The following NCAM1 variants were observed in gnomAD, a reference collection of about 807,000 sequenced individuals.
The protein encoded by NCAM1 is antigen recognized by monoclonal antibody 5.1H11.
NCAM1 carries 14 observed loss-of-function variants against 109.8 expected under a neutral mutation model. That is an observed-to-expected ratio of 0.13 (90% CI 0.08 to 0.20). The LOEUF (loss-of-function observed/expected upper bound fraction) is 0.20. Ranked by LOEUF, NCAM1 falls within the 10% of genes least tolerant of loss-of-function variation. The pLI is 1.00. For missense variants in NCAM1, 774 were observed against 1,109.9 expected (o/e 0.70, Z 4.30); for synonymous variants, 418 against 442.9 (o/e 0.94, Z 0.70).
chr11:113,221,092 C>A (rs534956699), intron 8 of NCAM1, among the ~76,000 whole-genome samples: 1 of 152,072 alleles, frequency 6.6e-6, no homozygotes, highest in Admixed American at 6.6e-5. Flanking sequence ...TTTTAATGTG[C>A]CTAAGGGGGA....
intron 8 of NCAM1, among the ~76,000 whole-genome samples, chr11:113,214,727 G>T (rs563453559): frequency 6.6e-6 from 1 of 152,166 alleles, no homozygotes; most frequent in Non-Finnish European, 1.5e-5. Flanking sequence ...ATAGGTTGGT[G>T]GGGGCGTGAT....
At chr11:112,980,163 G>C (rs1406770240) in intron 1 of NCAM1, among the ~76,000 whole-genome samples, 1 of 151,734 alleles carries the variant, frequency 6.6e-6, no homozygotes, top group Non-Finnish European at 1.5e-5. Context: ...ACACCCGCTA[G>C]GATGGCTAGA....
chr11:113,040,836 C>T (rs1953051723), intron 1 of NCAM1: 1 of 151,960 alleles, frequency 6.6e-6, no homozygotes, highest in Admixed American at 6.5e-5. Context: ...CTCTTTTTTT[C>T]CCCTTCTACT....
intron 1 of NCAM1, among the ~76,000 whole-genome samples, chr11:112,992,580 C>G (rs1318096031): frequency 6.7e-6 from 1 of 150,056 alleles, no homozygotes; most frequent in Non-Finnish European, 1.5e-5. Flanking sequence ...CGGCTCATTG[C>G]AAGCTCTGCC....
intron 16 of NCAM1, among the ~76,000 whole-genome samples, chr11:113,259,298 G>A (rs1305958656): frequency 2.6e-5 from 4 of 151,910 alleles, no homozygotes; most frequent in East Asian, 3.9e-4. Context: ...TGATCCGCCC[G>A]CCTCGGCCTC....
chr11:113,210,821 C>CACACACAT (rs1249418105), intron 7 of NCAM1, among the ~76,000 whole-genome samples: 7 of 144,234 alleles, frequency 4.9e-5, no homozygotes, highest in African/African-American at 1.9e-4. Context: ...CACACACACA[C>CACACACAT]ATATTTCACA....
intron 8 of NCAM1, among the ~76,000 whole-genome samples, chr11:113,218,621 C>T (rs1944597539): frequency 6.6e-6 from 1 of 152,176 alleles, no homozygotes; most frequent in Non-Finnish European, 1.5e-5. Context: ...TCACACTCTA[C>T]CTTTGATCAT....
chr11:113,148,355 C>A lies in NCAM1; in HGVS notation c.53-54024C>A, dbSNP rs1328205637. On this transcript the variant is annotated intron_variant, in intron 1 of 19. Transcript: ENST00000316851. Reference sequence around the variant, plus strand: ...GGCTGGGTCATTTTTTGTTTGTTTGCGGAGCTTTTTTTTTTTTTCCTTTTT... The same window carrying A: ...GGCTGGGTCATTTTTTGTTTGTTTGAGGAGCTTTTTTTTTTTTTCCTTTTT... Among the ~76,000 whole-genome samples the A allele has an allele frequency of 7.8e-5, 9 of 115,764 alleles. No homozygotes were observed. In the East Asian group the frequency reaches 2.4e-3, roughly 31 times the overall value. 75.9% of individuals were successfully genotyped at this position (115,764 alleles called of 152,430 possible). A position where few individuals can be genotyped will look rare whatever the true frequency, so the allele number is the denominator to read the frequency against.
intron 1 of NCAM1, among the ~76,000 whole-genome samples, chr11:113,031,062 A>G (rs532453862): frequency 7.0e-4 from 106 of 152,320 alleles, no homozygotes; most frequent in African/African-American, 2.4e-3. Flanking sequence ...TGTTGCTTCT[A>G]GTGAAATGCA....
intron 1 of NCAM1, among the ~76,000 whole-genome samples, chr11:113,197,915 C>A (rs1370352028): frequency 6.6e-6 from 1 of 152,160 alleles, no homozygotes; most frequent in African/African-American, 2.4e-5. Flanking sequence ...TTTTCTTCAG[C>A]AGCTAAGACT....
intron 1 of NCAM1, among the ~76,000 whole-genome samples, chr11:113,118,139 AT>A (rs1227006102): frequency 6.6e-6 from 1 of 151,608 alleles, no homozygotes; most frequent in Non-Finnish European, 1.5e-5. Context: ...CACTTGAATC[AT>A]TTTTTTTCTC....
At chr11:113,264,158 G>T in intron 17 of NCAM1, 2 of 985,080 alleles carry the variant, frequency 2.0e-6, no homozygotes, top group Non-Finnish European at 2.4e-6. Context: ...CCCCCATTGT[G>T]GTCACATATC....
At chr11:113,040,612 G>A (rs1953042734) in intron 1 of NCAM1, among the ~76,000 whole-genome samples, 1 of 152,046 alleles carries the variant, frequency 6.6e-6, no homozygotes, top group Non-Finnish European at 1.5e-5. Flanking sequence ...AAAATACATT[G>A]CTCTCTCATA....
rs1953679568 is a variant in NCAM1 at position 113,055,903 on chromosome 11, T to C, written c.52+94239T>C. Among the ~76,000 whole-genome samples the C allele has an allele frequency of 5.4e-5, 8 of 148,882 alleles. No homozygotes were observed. In the South Asian group the frequency reaches 1.7e-3, roughly 32 times the overall value. Reference sequence around the variant, plus strand: ...GGTACTTGCACTTCTATGTTTAATATAGCACTATTCACAATAGTCAAGATA... The same window carrying C: ...GGTACTTGCACTTCTATGTTTAATACAGCACTATTCACAATAGTCAAGATA... On this transcript the variant is annotated intron_variant, in intron 1 of 19. Coordinates refer to ENST00000316851, the MANE Select transcript of NCAM1 (RefSeq NM_181351.5).
intron 1 of NCAM1, among the ~76,000 whole-genome samples, chr11:113,116,995 A>G (rs1940742001): frequency 6.6e-6 from 1 of 151,846 alleles, no homozygotes; most frequent in South Asian, 2.1e-4. Context: ...TGAATTCTAT[A>G]TTTTCCACCT....
chr11:113,201,182 C>T (rs368753005), intron 1 of NCAM1, among the ~76,000 whole-genome samples: 1 of 152,272 alleles, frequency 6.6e-6, no homozygotes, highest in African/African-American at 2.4e-5. Context: ...CTTCCCAGCC[C>T]CAAGCAGGCC....
intron 1 of NCAM1, among the ~76,000 whole-genome samples, chr11:112,975,489 A>G (rs1241537819): frequency 6.6e-6 from 1 of 152,076 alleles, no homozygotes; most frequent in Middle Eastern, 3.2e-3. Flanking sequence ...GAATGACACA[A>G]AAGACAATCT....
At chr11:113,162,642 A>T (rs1225494244) in intron 1 of NCAM1, among the ~76,000 whole-genome samples, 2 of 152,212 alleles carry the variant, frequency 1.3e-5, no homozygotes, top group African/African-American at 4.8e-5. Flanking sequence ...CTGTGGAGGG[A>T]TAGCAGTGAT....
At chr11:113,031,593 G>A (rs1321599587) in intron 1 of NCAM1, among the ~76,000 whole-genome samples, 2 of 152,098 alleles carry the variant, frequency 1.3e-5, no homozygotes, top group Admixed American at 1.3e-4. Flanking sequence ...TCGGGAGGCT[G>A]AGGCAGGAGA....
Sources: gnomAD v4.1 joint callset for allele counts (sites outside exome capture counted in the v4.1 genomes callset) on GRCh38, gnomAD v4.1.1 for gene constraint, MANE v1.5 for transcripts, NCBI Gene and HGNC (gene_info 2026-07-23, HGNC 2026-07-21) for gene names.